TLK2: variants seen among roughly 807,000 people sequenced by gnomAD.
The protein encoded by TLK2 is tousled like kinase 2, also known as serine/threonine-protein kinase tousled-like 2.
TLK2 carries 6 observed loss-of-function variants against 117.3 expected under a neutral mutation model. The ratio of observed to expected loss-of-function variants is 0.05; its 90% confidence interval spans 0.03 to 0.10. TLK2 has a LOEUF of 0.10. Among genes scored for constraint, TLK2 ranks in the 10% least tolerant of loss-of-function variants. The pLI is 1.00. For synonymous variants in TLK2, 257 were observed against 316.7 expected (o/e 0.81, Z 2.00); for missense variants, 299 against 901.2 (o/e 0.33, Z 8.56).
upstream of TLK2, among the ~76,000 whole-genome samples, chr17:62,474,284 T>C (rs1198370428): frequency 1.3e-5 from 2 of 151,940 alleles, no homozygotes; most frequent in Admixed American, 1.3e-4. Context: ...TTCACTGTGT[T>C]AGCCAGGATG....
At chr17:62,558,579 G>A (rs958423902) in intron 9 of TLK2, among the ~76,000 whole-genome samples, 2 of 152,218 alleles carry the variant, frequency 1.3e-5, no homozygotes, top group African/African-American at 4.8e-5. Context: ...TCATACATTT[G>A]ATTATAGATT....
At chr17:62,502,444 T>C (rs1386112289) in intron 2 of TLK2, among the ~76,000 whole-genome samples, 3 of 152,204 alleles carry the variant, frequency 2.0e-5, no homozygotes, top group African/African-American at 7.2e-5. Context: ...ATCATACTTA[T>C]GGTAAAAGAG....
At chr17:62,578,358 A>G (rs2080969763) in intron 13 of TLK2, 119 bp from the exon 14 acceptor site, 8 of 750,508 alleles carry the variant, frequency 1.1e-5, no homozygotes, top group East Asian at 8.0e-5. Context: ...AAATCTTTCA[A>G]TGCAAAGCAC....
intron 7 of TLK2, among the ~76,000 whole-genome samples, chr17:62,548,236 A>ATG (rs759563217): frequency 3.4e-3 from 105 of 31,176 alleles, no homozygotes; most frequent in South Asian, 0.032. Flanking sequence ...CCATATATAT[A>ATG]TATATGTGTG....
intron 7 of TLK2, among the ~76,000 whole-genome samples, chr17:62,540,632 C>G (rs2145926974): frequency 6.6e-6 from 1 of 151,284 alleles, no homozygotes; most frequent in East Asian, 2.0e-4. Context: ...CTCCTAACCT[C>G]AGGTGATCCA....
intron 1 of TLK2, among the ~76,000 whole-genome samples, chr17:62,472,272 G>C (rs1283368645): frequency 6.6e-6 from 1 of 152,112 alleles, no homozygotes; most frequent in African/African-American, 2.4e-5. Flanking sequence ...TAGGGGTCGT[G>C]AAGAGGAAGG....
chr17:62,488,253 C>G (rs994303833), intron 2 of TLK2, among the ~76,000 whole-genome samples: 2 of 152,140 alleles, frequency 1.3e-5, no homozygotes, highest in Non-Finnish European at 2.9e-5. Context: ...CTTTTTCTAT[C>G]TTTTATAAAT....
chr17:62,505,725 T>C (rs144933682), intron 2 of TLK2, among the ~76,000 whole-genome samples: 186 of 152,246 alleles, frequency 1.2e-3, no homozygotes, highest in African/African-American at 4.3e-3. Flanking sequence ...CTTATTGTTA[T>C]ACCAATTCCA....
chr17:62,553,583 G>A (rs2078636352), intron 8 of TLK2, 80 bp from the exon 9 acceptor site: 5 of 981,430 alleles, frequency 5.1e-6, no homozygotes, highest in South Asian at 2.8e-5. Context: ...CCACCCCCCC[G>A]AGAAAGGTAA....
chr17:62,520,802 G>A lies in TLK2; in HGVS notation c.111G>A (p.Gln37=). Residue 37 remains glutamine, a synonymous_variant, in exon 3 of 22, where the codon CAG becomes CAA. Transcript: ENST00000346027. ...KGPLNSESSN[Q]SLCSVGSLSD... is the part of the protein sequence containing the mutation. ...CACTTAATAGTGAGTCTTCCAACCA[G>A]AGCTTGTGCAGCGTCGGATCCTTGA... 1 of 1,612,922 alleles carries A rather than the reference G, an allele frequency of 6.2e-7. No homozygotes were observed. The highest frequency in any genetic ancestry group is 8.5e-7 in the Non-Finnish European group (1 of 1,179,546).
intron 6 of TLK2, among the ~76,000 whole-genome samples, chr17:62,533,598 T>A (rs1033336749): frequency 5.3e-5 from 8 of 151,832 alleles, no homozygotes; most frequent in African/African-American, 1.9e-4. Flanking sequence ...TGCCTCAGCT[T>A]CCCGAGTAGC....
At chr17:62,521,089 G>A (rs4306578) in intron 3 of TLK2, among the ~76,000 whole-genome samples, 2 of 152,162 alleles carry the variant, frequency 1.3e-5, no homozygotes, top group Non-Finnish European at 2.9e-5. Flanking sequence ...GCACCCGGGA[G>A]AATGAGGCTG....
intron 2 of TLK2, among the ~76,000 whole-genome samples, chr17:62,515,734 T>A (rs1206136346): frequency 3.3e-5 from 5 of 152,242 alleles, no homozygotes; most frequent in African/African-American, 1.2e-4. Flanking sequence ...TATTAATGCC[T>A]TACCATATAT....
At chr17:62,551,221 A>C (rs2078433914) in intron 7 of TLK2, among the ~76,000 whole-genome samples, 1 of 152,220 alleles carries the variant, frequency 6.6e-6, no homozygotes, top group Admixed American at 6.5e-5. Flanking sequence ...TAATATGTTA[A>C]TGAGTAAGAA....
intron 12 of TLK2, chr17:62,574,194 GTCTGT>G (rs2080557953): frequency 1.6e-6 from 2 of 1,255,848 alleles, no homozygotes; most frequent in African/African-American, 3.1e-5. Flanking sequence ...ATTGTTAAAA[GTCTGT>G]GGCATCCTAG....
intron 2 of TLK2, among the ~76,000 whole-genome samples, chr17:62,519,202 T>A (rs1567837807): frequency 6.6e-6 from 1 of 152,182 alleles, no homozygotes; most frequent in South Asian, 2.1e-4. Context: ...AGTTAATTTT[T>A]ATGTTGATGT....
At chr17:62,524,878 T>C (rs1567849107) in intron 6 of TLK2, among the ~76,000 whole-genome samples, 1 of 152,166 alleles carries the variant, frequency 6.6e-6, no homozygotes, top group Non-Finnish European at 1.5e-5. Flanking sequence ...TCATTATTGG[T>C]TGTCACTGCT....
At chr17:62,595,727 A>T (rs921238450) in intron 16 of TLK2, among the ~76,000 whole-genome samples, 14 of 152,136 alleles carry the variant, frequency 9.2e-5, no homozygotes, top group African/African-American at 2.9e-4. Flanking sequence ...TTCACATTTC[A>T]TATTTTATTA....
At chr17:62,488,404 A>G (rs2072720986) in intron 2 of TLK2, among the ~76,000 whole-genome samples, 1 of 151,460 alleles carries the variant, frequency 6.6e-6, no homozygotes, top group Non-Finnish European at 1.5e-5. Context: ...GCTTTTTCAC[A>G]TACCAAAGTC....
Sources: gnomAD v4.1 joint callset for allele counts (sites outside exome capture counted in the v4.1 genomes callset) on GRCh38, gnomAD v4.1.1 for gene constraint, MANE v1.5 for transcripts, NCBI Gene and HGNC (gene_info 2026-07-23, HGNC 2026-07-21) for gene names.